Variants in TRIT1 observed in about 807,000 individuals in gnomAD.
TRIT1 encodes tRNA isopentenyltransferase 1, also known as tRNA dimethylallyltransferase.
A neutral mutation model predicts 51.2 loss-of-function variants in TRIT1; 43 were observed. That is an observed-to-expected ratio of 0.84 (90% CI 0.66 to 1.08). The LOEUF is 1.08. TRIT1 is among the 50% of genes least tolerant of loss of function. The pLI, the probability that TRIT1 is intolerant of heterozygous loss-of-function variation, is 0.00. For missense variants in TRIT1, 528 were observed against 578.4 expected, an observed-to-expected ratio of 0.91 and a Z score of 0.89; for synonymous variants, 184 against 203.9, an observed-to-expected ratio of 0.90 and a Z score of 0.83.
intron 1 of TRIT1, among the ~76,000 whole-genome samples, chr1:39,861,510 T>C (rs979557636): frequency 1.3e-5 from 2 of 152,208 alleles, no homozygotes; most frequent in Non-Finnish European, 2.9e-5. Context: ...TACACATCCA[T>C]GTTCACAGCA....
chr1:39,848,192 A>G, intron 5 of TRIT1, 95 bp from the exon 6 acceptor site: 1 of 847,102 alleles, frequency 1.2e-6, no homozygotes, highest in Non-Finnish European at 2.0e-6. Context: ...AAAAAAGAGA[A>G]TTTGTCCAAA....
At chr1:39,861,889 G>A (rs1269615893) in intron 1 of TRIT1, among the ~76,000 whole-genome samples, 4 of 146,724 alleles carry the variant, frequency 2.7e-5, no homozygotes, top group Non-Finnish European at 6.0e-5. Context: ...GCACCACTGC[G>A]CTCCAGCCTG....
In TRIT1 at chr1:39,847,973, G is replaced by C. The variant is rs1030148276; in HGVS notation, c.815+13C>G. On this transcript the variant is annotated intron_variant, in intron 6 of 10. Transcript: ENST00000316891. ...ATATGGACAGTAGGTCAGAATAACAGCCAAATCCTCACCTATTTTCCGAAA... is the reference window on the plus strand; with the variant it reads ...ATATGGACAGTAGGTCAGAATAACACCCAAATCCTCACCTATTTTCCGAAA... 1.2e-6 allele frequency: 2 copies of C among 1,606,034 alleles called. No homozygotes were observed. The highest frequency in any genetic ancestry group is 3.3e-5 in the Admixed American group (2 of 59,988).
At chr1:39,865,371 T>A (rs140358980) in intron 1 of TRIT1, among the ~76,000 whole-genome samples, 2 of 152,230 alleles carry the variant, frequency 1.3e-5, no homozygotes, top group Non-Finnish European at 2.9e-5. Flanking sequence ...TTTTGTATTA[T>A]GAACTTTCTC....
intron 1 of TRIT1, among the ~76,000 whole-genome samples, chr1:39,860,334 C>T (rs774446891): frequency 6.6e-6 from 1 of 152,160 alleles, no homozygotes; most frequent in Non-Finnish European, 1.5e-5. Context: ...GACTAGACAT[C>T]TGATTTACAT....
chr1:39,847,039 T>C, intron 8 of TRIT1, 181 bp downstream of exon 8: 1 of 568,362 alleles, frequency 1.8e-6, no homozygotes, highest in South Asian at 2.6e-5. Context: ...AATTTTTTTT[T>C]TTTTTGTGAC....
chr1:39,876,566 A>G (rs1644063441), intron 1 of TRIT1, among the ~76,000 whole-genome samples: 1 of 149,582 alleles, frequency 6.7e-6, no homozygotes. Flanking sequence ...CTATATATAT[A>G]TATGAATGAT....
At chr1:39,844,686 A>G (rs758033464) in intron 8 of TRIT1, 46 bp from the exon 9 acceptor site, 6 of 1,372,742 alleles carry the variant, frequency 4.4e-6, no homozygotes, top group Non-Finnish European at 6.2e-6. Flanking sequence ...CTCAAACCCA[A>G]TCTATTCTGC....
In TRIT1 at chr1:39,839,506, G is replaced by A. The variant is rs1020649684; in HGVS notation, c.*2238C>T. On this transcript the variant is annotated 3_prime_UTR_variant, in exon 11 of 11. Transcript: ENST00000316891. ...ACTTTCCTTCCCTACACTCAACAGC[G>A]AAGTCATTCATAGGGGAGCAGGCAC... 2.0e-5 allele frequency among the ~76,000 whole-genome samples: 3 copies of A among 152,108 alleles called. No individual in the cohort carries two copies. Among genetic ancestry groups the A allele is most frequent in the Admixed American group, 6.6e-5 (1 of 15,266 alleles).
chr1:39,875,075 A>G (rs1055584780), intron 1 of TRIT1, among the ~76,000 whole-genome samples: 11 of 152,116 alleles, frequency 7.2e-5, no homozygotes, highest in African/African-American at 2.2e-4. Flanking sequence ...CAAAATATCA[A>G]AATGGTTACC....
intron 1 of TRIT1, among the ~76,000 whole-genome samples, chr1:39,874,261 GA>G (rs749753755): frequency 1.3e-5 from 2 of 152,020 alleles, no homozygotes; most frequent in Non-Finnish European, 2.9e-5. Context: ...TCTGTTATGG[GA>G]AGTTGTCCTG....
At chr1:39,869,750 C>G (rs935813359) in intron 1 of TRIT1, among the ~76,000 whole-genome samples, 1 of 151,834 alleles carries the variant, frequency 6.6e-6, no homozygotes, top group Non-Finnish European at 1.5e-5. Flanking sequence ...TGTCTCTGCC[C>G]GACCGCCACC....
At chr1:39,859,053 C>T (rs1381887683) in intron 1 of TRIT1, among the ~76,000 whole-genome samples, 2 of 151,820 alleles carry the variant, frequency 1.3e-5, no homozygotes, top group East Asian at 3.9e-4. Flanking sequence ...GAGTTCGAGA[C>T]CAGCCTGACC....
chr1:39,844,814 A>G (rs1211166172), intron 8 of TRIT1, among the ~76,000 whole-genome samples, 174 bp from the exon 9 acceptor site: 1 of 152,252 alleles, frequency 6.6e-6, no homozygotes, highest in East Asian at 1.9e-4. Flanking sequence ...TAGAGGTTTA[A>G]CTGCTCTGCA....
chr1:39,849,979 G>A, intron 5 of TRIT1, 140 bp downstream of exon 5: 2 of 870,008 alleles, frequency 2.3e-6, no homozygotes, highest in Non-Finnish European at 3.5e-6. Flanking sequence ...AACAAATAAT[G>A]ATAATGATAA....
Position 39,869,858 on chromosome 1 carries a change from G to A in TRIT1, c.175-12441C>T, listed in dbSNP as rs550803376. 7.9e-5 allele frequency among the ~76,000 whole-genome samples: 12 copies of A among 152,110 alleles called. No individual in the cohort carries two copies. The East Asian group carries it at 1.2e-3, about 15-fold the overall frequency. On this transcript the variant is annotated intron_variant, in intron 1 of 10. Transcript: ENST00000316891. ...CCGCCCCGTCTGGGAAGTGAGGAGC[G>A]TCTCTGCCAGGCAGCTGCCCCCTCC...
intron 2 of TRIT1, 86 bp from the exon 3 acceptor site, chr1:39,854,154 A>AC (rs1642758471): frequency 1.0e-6 from 1 of 990,846 alleles, no homozygotes; most frequent in Non-Finnish European, 1.5e-6. Context: ...ACATTCATTT[A>AC]TCTGCAGAGC....
intron 1 of TRIT1, among the ~76,000 whole-genome samples, chr1:39,859,934 T>TA (rs1643144109): frequency 6.6e-6 from 1 of 152,212 alleles, no homozygotes; most frequent in South Asian, 2.1e-4. Flanking sequence ...TCAGAAACCC[T>TA]AGAAGGCTAG....
chr1:39,875,272 G>A (rs1644012579), intron 1 of TRIT1, among the ~76,000 whole-genome samples: 2 of 151,858 alleles, frequency 1.3e-5, no homozygotes, highest in Non-Finnish European at 2.9e-5. Context: ...GGCAGATCAC[G>A]AGGTCAGGAG....
Sources: allele counts gnomAD v4.1 joint callset (sites outside exome capture counted in the v4.1 genomes callset), GRCh38; gene constraint gnomAD v4.1.1; transcripts MANE v1.5; gene names NCBI Gene and HGNC (gene_info 2026-07-23, HGNC 2026-07-21).